MYH11: variants seen among roughly 807,000 people sequenced by gnomAD.
MYH11 encodes the protein myosin-11.
In MYH11, 80 loss-of-function variants were observed where a neutral mutation model predicts 246.6. The observed-to-expected ratio is 0.32, with a 90% CI of 0.27 to 0.39. The LOEUF is 0.39. Ranked by LOEUF, MYH11 falls within the 10% of genes least tolerant of loss-of-function variation. The pLI is 1.00. For missense variants in MYH11, 2,158 were observed against 2,546.8 expected (o/e 0.85, Z 3.29); for synonymous variants, 1,071 against 1,015.5 (o/e 1.05, Z -1.04).
chr16:15,724,093 T>C (rs2151217736), intron 31 of MYH11, 68 bp downstream of exon 31: 2 of 1,606,796 alleles, frequency 1.2e-6, no homozygotes, highest in Non-Finnish European at 1.7e-6. Flanking sequence ...CCACGCGTCA[T>C]ACTCTGCAGA....
chr16:15,743,965 C>G (rs2041346948), intron 20 of MYH11, among the ~76,000 whole-genome samples: 1 of 151,990 alleles, frequency 6.6e-6, no homozygotes, highest in African/African-American at 2.4e-5. Flanking sequence ...CTGACTCTGC[C>G]AGAAATAAAA....
At position 15,810,075 on chromosome 16, in the gene MYH11, C is replaced by G. The variant is rs566667517; in HGVS notation, c.503-11388G>C. On this transcript the variant is annotated intron_variant, in intron 3 of 40. Transcript: ENST00000300036. ...TGAGACGGAGTTTTGCTCTTGTTGCCCAGGCTGGAGTGCAGTGGGGCAATC... is the reference window on the plus strand; with the variant it reads ...TGAGACGGAGTTTTGCTCTTGTTGCGCAGGCTGGAGTGCAGTGGGGCAATC... 2.6e-5 allele frequency among the ~76,000 whole-genome samples: 4 copies of G among 151,642 alleles called. No homozygotes were observed. The East Asian group carries it at 7.8e-4, about 30-fold the overall frequency.
chr16:15,768,991 C>A (rs1050913879), intron 9 of MYH11, among the ~76,000 whole-genome samples: 1 of 151,244 alleles, frequency 6.6e-6, no homozygotes, highest in East Asian at 1.9e-4. Context: ...TCTCTACCCA[C>A]CCCTCCAAAA....
At chr16:15,782,585 C>T (rs1391003283) in intron 5 of MYH11, 108 bp from the exon 6 acceptor site, 3 of 797,280 alleles carry the variant, frequency 3.8e-6, no homozygotes, top group Non-Finnish European at 6.5e-6. Flanking sequence ...CAGGTTCTCT[C>T]CTATCTCCTA....
Position 15,745,113 on chromosome 16 carries a change from G to A in MYH11, c.2520+16C>T, listed in dbSNP as rs1355585362. On this transcript the variant is annotated intron_variant, in intron 20 of 40. Transcript: ENST00000300036. ...GCTGGGGGCCCCTGGGAAGGGGGCT[G>A]GGGCAGAGCACTCACTTTGGTGAAA... 6.2e-7 allele frequency: 1 copy of A among 1,606,246 alleles called. No individual in the cohort carries two copies.
At position 15,709,571 on chromosome 16, in the gene MYH11, T is replaced by C. The variant is rs574346252; in HGVS notation, c.5786+5338A>G. Among the ~76,000 whole-genome samples, 3 of 152,272 alleles carry C rather than the reference T, an allele frequency of 2.0e-5. No individual in the cohort carries two copies. The South Asian group carries it at 6.2e-4, about 32-fold the overall frequency. On this transcript the variant is annotated intron_variant, in intron 40 of 40. Transcript: ENST00000300036. ...CTCAAGTGATCCACCCACCTCGGCC[T>C]CCCAAAGAGCTGGGATTACAGGTGT...
At position 15,727,006 on chromosome 16, in the gene MYH11, C is replaced by G. The variant is rs16967494; in HGVS notation, c.3700G>C (p.Ala1234Pro). 1 of 1,613,052 alleles carries G rather than the reference C, an allele frequency of 6.2e-7. No homozygotes were observed. Among genetic ancestry groups the G allele is most frequent in the African/African-American group, 1.3e-5 (1 of 74,736 alleles). The change falls in exon 28 of 41, where the codon GCA becomes CCA. Residue 1234 changes from alanine to proline, a missense_variant. Physicochemically the swap from Ala to Pro is conservative, Grantham distance 27 (BLOSUM62 -1). Coordinates refer to ENST00000300036, the MANE Select transcript of MYH11 (RefSeq NM_002474.3). ...ACCCGCAGCTCCCCGGCCAGGTCTG[C>G]GTTCTCTTTCTCCAGCGTCTGCTTA... ...KNKQTLEKEN[A>P]DLAGELRVLG... is the part of the protein sequence containing the mutation.
chr16:15,710,092 C>T (rs941041981), intron 40 of MYH11, among the ~76,000 whole-genome samples: 12 of 152,218 alleles, frequency 7.9e-5, no homozygotes, highest in African/African-American at 1.7e-4. Flanking sequence ...GCAGGACAGA[C>T]CTTCCACCTG....
chr16:15,846,603 C>T (rs2044196666), intron 1 of MYH11, among the ~76,000 whole-genome samples: 1 of 152,172 alleles, frequency 6.6e-6, no homozygotes, highest in African/African-American at 2.4e-5. Context: ...AATCCCAGCA[C>T]TTTGAGAAGC....
rs997122496 is a variant in MYH11, at chr16:15,857,014, G to C, written c.-91C>G. 4 of 150,164 alleles carry C rather than the reference G, an allele frequency of 2.7e-5. No homozygotes were observed. The highest frequency in any genetic ancestry group is 4.2e-4 in the East Asian group (2 of 4,776). The allele number at this position is 150,164 out of a possible 1,614,324, so 9.3% of individuals were successfully genotyped here. A position where few individuals can be genotyped will look rare whatever the true frequency, so the allele number is the denominator to read the frequency against. On this transcript the variant is annotated 5_prime_UTR_variant, in exon 1 of 41. Coordinates refer to ENST00000300036, the MANE Select transcript of MYH11 (RefSeq NM_002474.3). ...CGGATCTGACGCACCTCCCAGGCCGGAGCGTCCAAATCTCCCTGCGCGTCC... is the reference window on the plus strand; with the variant it reads ...CGGATCTGACGCACCTCCCAGGCCGCAGCGTCCAAATCTCCCTGCGCGTCC...
Position 15,721,539 on chromosome 16 carries a change from G to A in MYH11, c.4461C>T (p.Ser1487=), listed in dbSNP as rs776746865. 1.2e-6 allele frequency: 2 copies of A among 1,614,062 alleles called. No homozygotes were observed. The highest frequency in any genetic ancestry group is 1.6e-4 in the Middle Eastern group (1 of 6,084). The stretch of plus-strand genomic sequence containing the variant: ...AGGCCTCTTCAAGGGCCCGAGCCAG[G>A]GACAGGGCCTTGGTTTCCTTCTCCC... ...EAREKETKAL[S]LARALEEALE... is the part of the protein sequence containing the mutation. The change falls in exon 32 of 41, where the codon TCC becomes TCT. Residue 1487 remains serine, a synonymous_variant. Coordinates refer to ENST00000300036, the MANE Select transcript of MYH11 (RefSeq NM_002474.3).
chr16:15,759,358 G>A (rs529432724), intron 12 of MYH11, among the ~76,000 whole-genome samples: 5 of 152,172 alleles, frequency 3.3e-5, no homozygotes, highest in South Asian at 4.1e-4. Context: ...CCCTGCCTAC[G>A]GGATCCAGCT....
intron 5 of MYH11, chr16:15,782,829 C>T: frequency 3.2e-6 from 1 of 317,386 alleles, no homozygotes; most frequent in South Asian, 3.2e-5. Flanking sequence ...TTGTGCAGTG[C>T]ACCACCTGTC....
At chr16:15,841,767 C>T (rs1458033782) in intron 1 of MYH11, among the ~76,000 whole-genome samples, 2 of 152,234 alleles carry the variant, frequency 1.3e-5, no homozygotes, top group Non-Finnish European at 2.9e-5. Flanking sequence ...CCTTCTACCT[C>T]TTGCTGCTGG....
chr16:15,781,297 G>T (rs866339491), intron 6 of MYH11, among the ~76,000 whole-genome samples: 2 of 152,162 alleles, frequency 1.3e-5, no homozygotes, highest in African/African-American at 4.8e-5. Context: ...CATCTAATAC[G>T]TGTAGGAGGT....
At chr16:15,799,743 C>T (rs1011581772) in intron 3 of MYH11, among the ~76,000 whole-genome samples, 17 of 152,230 alleles carry the variant, frequency 1.1e-4, no homozygotes, top group African/African-American at 3.9e-4. Context: ...GACAATGCCA[C>T]AGTGGCAAGC....
intron 27 of MYH11, among the ~76,000 whole-genome samples, chr16:15,728,600 A>G (rs1567706807): frequency 1.3e-5 from 2 of 148,994 alleles, no homozygotes; most frequent in Non-Finnish European, 3.0e-5. Context: ...GCCCTACAGG[A>G]AAAAAAAAGT....
chr16:15,742,771 C>T (rs956833057), intron 20 of MYH11, among the ~76,000 whole-genome samples: 1 of 151,842 alleles, frequency 6.6e-6, no homozygotes, highest in Non-Finnish European at 1.5e-5. Flanking sequence ...ATATGTATTA[C>T]CCCATGCTGT....
chr16:15,741,364 T>C, intron 22 of MYH11, 99 bp downstream of exon 22: 2 of 1,327,814 alleles, frequency 1.5e-6, no homozygotes, highest in South Asian at 1.2e-5. Flanking sequence ...TCATCATCTG[T>C]CCCAGCAGGG....
Sources: allele counts gnomAD v4.1 joint callset (sites outside exome capture counted in the v4.1 genomes callset), GRCh38; gene constraint gnomAD v4.1.1; transcripts MANE v1.5; gene names NCBI Gene and HGNC (gene_info 2026-07-23, HGNC 2026-07-21).